Variants in PLCD4 observed in about 807,000 individuals in gnomAD.
PLCD4 encodes the protein 1-phosphatidylinositol 4,5-bisphosphate phosphodiesterase delta-4.
Under a neutral mutation model 90.2 loss-of-function variants are expected in PLCD4, and 63 were observed. The observed-to-expected ratio is 0.70, with a 90% CI of 0.57 to 0.86. PLCD4 has a LOEUF of 0.86. PLCD4 is among the 40% of genes least tolerant of loss of function. PLCD4 has a pLI of 0.00. For synonymous variants in PLCD4, 294 were observed against 356.5 expected (o/e 0.82, Z 1.97); for missense variants, 830 against 956.3 (o/e 0.87, Z 1.74).
intron 13 of PLCD4, 105 bp from the exon 14 acceptor site, chr2:218,635,691 G>T: frequency 7.1e-7 from 1 of 1,409,364 alleles, no homozygotes; most frequent in Non-Finnish European, 9.5e-7. Flanking sequence ...ACCCATGGAG[G>T]ATGTTTTACA....
intron 3 of PLCD4, among the ~76,000 whole-genome samples, chr2:218,617,885 G>A (rs972500275): frequency 1.3e-5 from 2 of 152,048 alleles, no homozygotes; most frequent in African/African-American, 2.4e-5. Context: ...AGGAGATTGA[G>A]ACCATCTGGC....
chr2:218,634,665 G>A lies in PLCD4; in HGVS notation c.1896+35G>A. On this transcript the variant is annotated intron_variant, in intron 13 of 15. Coordinates refer to ENST00000450993, the MANE Select transcript of PLCD4 (RefSeq NM_032726.4). The surrounding 1 kb of genome is among the most constrained non-coding windows in gnomAD (Gnocchi z 4.0). Reference sequence around the variant, plus strand: ...AAATAAACTGTTGGGAAGAAACTGAGATAACTGGGATAGAAGTGAGGGAAG... The same window carrying A: ...AAATAAACTGTTGGGAAGAAACTGAAATAACTGGGATAGAAGTGAGGGAAG... 1.2e-6 allele frequency: 2 copies of A among 1,603,918 alleles called. No individual in the cohort carries two copies. The highest frequency in any genetic ancestry group is 1.7e-6 in the Non-Finnish European group (2 of 1,173,000).
At chr2:218,629,366 A>G (rs1251720920) in intron 7 of PLCD4, 153 bp from the exon 8 acceptor site, 38 of 842,350 alleles carry the variant, frequency 4.5e-5, no homozygotes, top group Non-Finnish European at 6.5e-5. Context: ...CAGTGTCCCC[A>G]TGGATGGAGA....
At chr2:218,624,775 C>A (rs1157037869) in intron 6 of PLCD4, among the ~76,000 whole-genome samples, 1 of 149,586 alleles carries the variant, frequency 6.7e-6, no homozygotes, top group African/African-American at 2.5e-5. Context: ...GTAAAGCAAT[C>A]ATTTCAGAAA....
At chr2:218,633,578 T>A in intron 10 of PLCD4, 27 bp from the exon 11 acceptor site, 2 of 1,609,056 alleles carry the variant, frequency 1.2e-6, no homozygotes, top group Non-Finnish European at 1.7e-6. Context: ...GAGGGTTCAA[T>A]TCCATCTTCT....
intron 9 of PLCD4, 146 bp from the exon 10 acceptor site, chr2:218,631,990 T>C: frequency 4.0e-6 from 3 of 743,408 alleles, no homozygotes; most frequent in Middle Eastern, 4.0e-4. Flanking sequence ...ATTCCAATTG[T>C]ATGTATCAAG....
chr2:218,630,316 T>C (rs1471611796), intron 8 of PLCD4, among the ~76,000 whole-genome samples: 2 of 151,858 alleles, frequency 1.3e-5, no homozygotes, highest in East Asian at 3.9e-4. Flanking sequence ...AGCATGAGAG[T>C]GCAACATGAA....
At chr2:218,615,860 T>C (rs747179866) in intron 2 of PLCD4, 44 bp from the exon 3 acceptor site, 12 of 1,610,722 alleles carry the variant, frequency 7.5e-6, no homozygotes, top group South Asian at 1.1e-5. Flanking sequence ...CTGGGCCTGC[T>C]ACCCTCTCTG....
intron 3 of PLCD4, among the ~76,000 whole-genome samples, chr2:218,617,429 T>C (rs1217733458): frequency 2.0e-5 from 3 of 150,942 alleles, no homozygotes; most frequent in African/African-American, 4.9e-5. Flanking sequence ...ATACAAAAAT[T>C]AGCCGGGCTT....
intron 6 of PLCD4, among the ~76,000 whole-genome samples, chr2:218,623,307 C>T (rs1406251723): frequency 6.6e-6 from 1 of 152,150 alleles, no homozygotes; most frequent in Admixed American, 6.5e-5. Flanking sequence ...AATGCTGGCT[C>T]GCTGCCCTTT....
chr2:218,631,326 G>C (rs1575035122), intron 9 of PLCD4, among the ~76,000 whole-genome samples: 1 of 152,028 alleles, frequency 6.6e-6, no homozygotes, highest in South Asian at 2.1e-4. Flanking sequence ...CACCACACCT[G>C]GCTAGTTTTT....
At chr2:218,619,771 G>A (rs1430944386) in intron 4 of PLCD4, among the ~76,000 whole-genome samples, 7 of 152,164 alleles carry the variant, frequency 4.6e-5, no homozygotes, top group African/African-American at 1.4e-4. Context: ...GGAAGACTGC[G>A]TCTCTACAAA....
chr2:218,628,495 T>G (rs1181780817), intron 7 of PLCD4: 1 of 385,568 alleles, frequency 2.6e-6, no homozygotes, highest in Non-Finnish European at 4.7e-6. Flanking sequence ...TTTAACAAAT[T>G]AATAAACAGA....
chr2:218,620,131 C>A (rs1695804317), intron 4 of PLCD4, among the ~76,000 whole-genome samples: 1 of 152,200 alleles, frequency 6.6e-6, no homozygotes, highest in Non-Finnish European at 1.5e-5. Flanking sequence ...CCATCCACCT[C>A]AGCCTCCAAA....
In PLCD4 at chr2:218,632,136, G is replaced by A. The variant is rs554285261; in HGVS notation, c.1273G>A (p.Glu425Lys). The change falls in exon 10 of 16, where the codon GAG becomes AAG. Residue 425 changes from glutamate (E) to lysine (K), a missense_variant and splice_region_variant. Glu to Lys is a moderately conservative substitution (Grantham distance 56). Transcript: ENST00000450993. The stretch of plus-strand genomic sequence containing the variant: ...AGGCCCCTTCATTTTTGTCCCCTAG[G>A]AGCTTCGGAGGAAGATCCTGGTGAA... ...VLPTQLPSPE[E>K]LRRKILVKGK... 1 of 1,603,706 alleles carries A rather than the reference G, an allele frequency of 6.2e-7. No homozygotes were observed. The highest frequency in any genetic ancestry group is 1.7e-5 in the Admixed American group (1 of 58,272).
chr2:218,632,335 G>C (rs758437964), intron 10 of PLCD4, 23 bp downstream of exon 10: 2 of 1,586,088 alleles, frequency 1.3e-6, no homozygotes, highest in Admixed American at 3.6e-5. Flanking sequence ...TGGTCTTTCT[G>C]CTGTGGTATT....
Position 218,634,251 on chromosome 2 carries a change from G to A in PLCD4, c.1723+30G>A, listed in dbSNP as rs1318808843. ...GGAGGCAGCAGGGACTGGGAAGAGG[G>A]AGTGGAGGAGCAGCAGGTGGGAAAT... On this transcript the variant is annotated intron_variant, in intron 12 of 15. Transcript: ENST00000450993. This position sits in a 1 kb window ranked among gnomAD's most constrained non-coding sequence, Gnocchi z 4.0. 9 of 1,594,410 alleles carry A rather than the reference G, an allele frequency of 5.6e-6. No individual in the cohort carries two copies. Among genetic ancestry groups the A allele is most frequent in the Non-Finnish European group, 7.7e-6 (9 of 1,170,344 alleles).
intron 8 of PLCD4, 141 bp from the exon 9 acceptor site, chr2:218,630,509 C>T: frequency 1.0e-6 from 1 of 953,418 alleles, no homozygotes; most frequent in South Asian, 1.5e-5. Flanking sequence ...TCACTGAATC[C>T]TATAATGGAG....
Position 218,622,746 on chromosome 2 carries a change from A to G in PLCD4, c.640A>G (p.Ser214Gly), listed in dbSNP as rs1021425054. The change falls in exon 6 of 16, where the codon AGT becomes GGT. Residue 214 changes from serine (S) to glycine (G), a missense_variant. Coordinates refer to ENST00000450993, the MANE Select transcript of PLCD4 (RefSeq NM_032726.4). ...KRAEVQELFESFSADGQKLTL... is the reference protein window; with the variant it reads ...KRAEVQELFEGFSADGQKLTL... ...TGCTGAGGTGCAGGAACTGTTTGAA[A>G]GTTTTTCAGCTGATGGGCAGAAGCT... is the stretch of plus-strand genomic sequence containing the variant. The G allele has an allele frequency of 8.1e-6, 13 of 1,613,858 alleles. No individual in the cohort carries two copies. Among genetic ancestry groups the G allele is most frequent in the Non-Finnish European group, 1.1e-5 (13 of 1,179,898 alleles).
Sources: gnomAD v4.1 joint callset for allele counts (sites outside exome capture counted in the v4.1 genomes callset) on GRCh38, gnomAD v4.1.1 for gene constraint, Gnocchi (gnomAD v3.1) non-coding constraint, MANE v1.5 for transcripts, NCBI Gene and HGNC (gene_info 2026-07-23, HGNC 2026-07-21) for gene names.